CA10: variants seen among roughly 807,000 people sequenced by gnomAD.
The protein encoded by CA10 is carbonic anhydrase 10 (inactive).
In CA10, 14 loss-of-function variants were observed where a neutral mutation model predicts 44.2. That is an observed-to-expected ratio of 0.32 (90% CI 0.21 to 0.50). CA10 has a LOEUF of 0.50. Ranked by LOEUF, CA10 falls within the 20% of genes least tolerant of loss-of-function variation. The pLI, the probability that CA10 is intolerant of heterozygous loss-of-function variation, is 0.99. For missense variants in CA10, 350 were observed against 409.7 expected (o/e 0.85, Z 1.26); for synonymous variants, 159 against 141.6 (o/e 1.12, Z -0.87).
At chr17:52,139,970 C>A (rs575216453) in intron 1 of CA10, among the ~76,000 whole-genome samples, 41 of 152,088 alleles carry the variant, frequency 2.7e-4, no homozygotes, top group Non-Finnish European at 4.3e-4. Flanking sequence ...TTTTCAAACA[C>A]CCCCACCACC....
intron 3 of CA10, among the ~76,000 whole-genome samples, chr17:51,768,748 T>C (rs1459818176): frequency 2.0e-5 from 3 of 152,214 alleles, no homozygotes; most frequent in African/African-American, 7.2e-5. Context: ...ACAAACCCTG[T>C]GAGGCTACAC....
intron 3 of CA10, among the ~76,000 whole-genome samples, chr17:51,892,004 A>G (rs1980878330): frequency 6.6e-6 from 1 of 152,248 alleles, no homozygotes; most frequent in African/African-American, 2.4e-5. Context: ...GGGAAAAGGT[A>G]ACTATGAGTC....
intron 3 of CA10, among the ~76,000 whole-genome samples, chr17:51,823,230 C>T (rs374669250): frequency 2.0e-5 from 3 of 152,182 alleles, no homozygotes; most frequent in African/African-American, 7.2e-5. Flanking sequence ...AATGCCCAGG[C>T]GGTCACATCA....
At chr17:52,130,800 T>C (rs1989221876) in intron 1 of CA10, among the ~76,000 whole-genome samples, 1 of 152,070 alleles carries the variant, frequency 6.6e-6, no homozygotes, top group Non-Finnish European at 1.5e-5. Flanking sequence ...TGGGCTCAAG[T>C]GATCCTTCCA....
chr17:51,645,591 C>T (rs1377559399), intron 6 of CA10, among the ~76,000 whole-genome samples: 1 of 152,164 alleles, frequency 6.6e-6, no homozygotes, highest in East Asian at 1.9e-4. Context: ...CAAAAAGATG[C>T]TTCTTCAAAC....
chr17:51,798,890 C>A (rs943526049), intron 3 of CA10, among the ~76,000 whole-genome samples: 1 of 152,208 alleles, frequency 6.6e-6, no homozygotes, highest in Non-Finnish European at 1.5e-5. Flanking sequence ...GCCAACTCTG[C>A]GCATCACCAA....
intron 3 of CA10, among the ~76,000 whole-genome samples, chr17:51,919,932 G>A (rs566842008): frequency 1.3e-5 from 2 of 152,254 alleles, no homozygotes; most frequent in Admixed American, 6.5e-5. Flanking sequence ...GATTACAGGC[G>A]TGAGCCACTG....
intron 4 of CA10, among the ~76,000 whole-genome samples, chr17:51,664,608 T>A (rs999819492): frequency 9.9e-5 from 15 of 151,348 alleles, no homozygotes; most frequent in Non-Finnish European, 1.9e-4. Flanking sequence ...GCCTGGGATG[T>A]CTTTTGCCTG....
chr17:51,702,302 G>C (rs1039189264), intron 4 of CA10, among the ~76,000 whole-genome samples: 1 of 152,054 alleles, frequency 6.6e-6, no homozygotes, highest in Non-Finnish European at 1.5e-5. Flanking sequence ...CAGCTAGCTG[G>C]CGGTAGACCC....
chr17:51,875,694 G>T (rs1980039815), intron 3 of CA10, among the ~76,000 whole-genome samples: 1 of 151,882 alleles, frequency 6.6e-6, no homozygotes, highest in Admixed American at 6.6e-5. Context: ...TTTTTGGGGG[G>T]GGTATATAGT....
At chr17:51,697,085 G>GAAA (rs60585641) in intron 4 of CA10, among the ~76,000 whole-genome samples, 2 of 139,088 alleles carry the variant, frequency 1.4e-5, no homozygotes, top group Non-Finnish European at 3.2e-5. Flanking sequence ...GCAACGTAAT[G>GAAA]AAAAAAAAAA....
At chr17:52,086,347 G>A (rs1222038012) in intron 1 of CA10, among the ~76,000 whole-genome samples, 1 of 152,144 alleles carries the variant, frequency 6.6e-6, no homozygotes, top group Non-Finnish European at 1.5e-5. Context: ...CAGGGCCCAG[G>A]TTTCTTCTGT....
intron 1 of CA10, among the ~76,000 whole-genome samples, chr17:52,146,665 C>T (rs1174294069): frequency 2.7e-5 from 4 of 149,524 alleles, no homozygotes; most frequent in East Asian, 1.9e-4. Flanking sequence ...AGCGAGACTC[C>T]GTCTCAAAAT....
intron 6 of CA10, among the ~76,000 whole-genome samples, chr17:51,636,775 T>TTATGTG (rs1555577668): frequency 6.8e-6 from 1 of 146,512 alleles, no homozygotes; most frequent in Non-Finnish European, 1.5e-5. Flanking sequence ...ACTGATTATT[T>TTATGTG]TGTGTGTGTG....
chr17:51,735,612 A>G (rs969457662), intron 4 of CA10, among the ~76,000 whole-genome samples: 2 of 152,194 alleles, frequency 1.3e-5, no homozygotes, highest in African/African-American at 4.8e-5. Context: ...CATTGCTAAT[A>G]AAAACAACCA....
chr17:51,830,972 T>C (rs1908218309), intron 3 of CA10, among the ~76,000 whole-genome samples: 2 of 152,094 alleles, frequency 1.3e-5, no homozygotes, highest in Non-Finnish European at 1.5e-5. Context: ...CTGCAGTTAC[T>C]TTTGCACCAA....
chr17:51,978,937 G>A (rs187579132), intron 2 of CA10, among the ~76,000 whole-genome samples: 12 of 152,032 alleles, frequency 7.9e-5, no homozygotes. Context: ...TTACCCATAA[G>A]AAGGCTTCCT....
intron 2 of CA10, among the ~76,000 whole-genome samples, chr17:51,975,920 AAGGAATATTCTTTAAACACAAAGACAC>A (rs1327618065): frequency 6.6e-6 from 1 of 151,266 alleles, no homozygotes. Flanking sequence ...TGCTGTTTAT[AAGGAATATTCTTTAAACACAAAGACAC>A]AGGTCAAAAG....
chr17:51,976,932 T>C (rs887562361), intron 2 of CA10, among the ~76,000 whole-genome samples: 3 of 152,138 alleles, frequency 2.0e-5, no homozygotes, highest in East Asian at 3.9e-4. Flanking sequence ...ATTATATAAT[T>C]TTATGCTAAT....
Sources: gnomAD v4.1 joint callset for allele counts (sites outside exome capture counted in the v4.1 genomes callset) on GRCh38, gnomAD v4.1.1 for gene constraint, MANE v1.5 for transcripts, NCBI Gene and HGNC (gene_info 2026-07-23, HGNC 2026-07-21) for gene names.